ROBO2: variants seen among roughly 807,000 people sequenced by gnomAD.
ROBO2 encodes the protein roundabout guidance receptor 2.
ROBO2 carries 53 observed loss-of-function variants against 160.8 expected under a neutral mutation model. The ratio of observed to expected loss-of-function variants is 0.33; its 90% confidence interval spans 0.26 to 0.41. The LOEUF is 0.41. Among genes scored for constraint, ROBO2 ranks in the 10% least tolerant of loss-of-function variants. ROBO2 has a pLI of 1.00. For missense variants in ROBO2, 1,577 were observed against 1,722.4 expected, an observed-to-expected ratio of 0.92 and a Z score of 1.49; for synonymous variants, 664 against 611.7, an observed-to-expected ratio of 1.09 and a Z score of -1.26.
chr3:77,477,481 G>A, exon 3 of ROBO2: 5 of 1,613,926 alleles, frequency 3.1e-6, no homozygotes, highest in Non-Finnish European at 4.2e-6. Context: ...CTGCAATCCT[G>A]GAGTGCCAGC....
intron 2 of ROBO2, among the ~76,000 whole-genome samples, chr3:76,255,595 G>A (rs140571829): frequency 0.044 from 6,582 of 150,586 alleles, 173 homozygotes; most frequent in South Asian, 0.08. Flanking sequence ...ATTTTACTAT[G>A]CAAAAAAAAA....
At chr3:77,577,422 T>C (rs560378759) in intron 14 of ROBO2, 68 bp from the exon 16 acceptor site, 2 of 1,605,480 alleles carry the variant, frequency 1.2e-6, no homozygotes, top group South Asian at 2.2e-5. Flanking sequence ...TATACTCATA[T>C]TCTGAAAGTA....
At chr3:77,224,525 C>T (rs1440716863) in intron 2 of ROBO2, among the ~76,000 whole-genome samples, 1 of 151,898 alleles carries the variant, frequency 6.6e-6, no homozygotes, top group African/African-American at 2.4e-5. Context: ...TCTTGTAATG[C>T]TGCAGTGCTA....
Position 76,257,296 on chromosome 3 carries a change from ATG to A in ROBO2, c.109+319709_109+319710del, listed in dbSNP as rs199824539. On this transcript the variant is annotated intron_variant, in intron 2 of 26. Coordinates refer to the ROBO2 transcript ENST00000487694. Reference sequence around the variant, plus strand: ...CTTCTATGTGTGCACACACGTGCATATGTGTGTGTGTGTGTGAACACCTCATA... The same window carrying A: ...CTTCTATGTGTGCACACACGTGCATATGTGTGTGTGTGTGAACACCTCATA... Among the ~76,000 whole-genome samples the A allele has an allele frequency of 1.6e-3, 248 of 151,330 alleles. 1 individual carries two copies. The highest frequency in any genetic ancestry group is 5.1e-3 in the African/African-American group (212 of 41,330).
chr3:76,520,623 T>C (rs1242285515), intron 2 of ROBO2, among the ~76,000 whole-genome samples: 1 of 152,180 alleles, frequency 6.6e-6, no homozygotes, highest in Non-Finnish European at 1.5e-5. Context: ...AAATCAATAA[T>C]GTGACCAATC....
rs201114367 is a variant in ROBO2, at chr3:76,908,979, G to A, written c.110-189035G>A. On this transcript the variant is annotated intron_variant, in intron 2 of 26. Coordinates refer to the ROBO2 transcript ENST00000487694. ...GCAGTGGTTCATGCCTGTAATTCCC[G>A]CACTTTGGGAGGCTGAGCAGGGAGA... Among the ~76,000 whole-genome samples, 20 of 152,200 alleles carry A rather than the reference G, an allele frequency of 1.3e-4. No homozygotes were observed. The East Asian group carries it at 3.7e-3, about 28-fold the overall frequency.
At chr3:77,382,707 A>G (rs1257200396) in intron 2 of ROBO2, among the ~76,000 whole-genome samples, 1 of 152,240 alleles carries the variant, frequency 6.6e-6, no homozygotes, top group Non-Finnish European at 1.5e-5. Flanking sequence ...CACTTCAAAG[A>G]ATGGCTTCCG....
chr3:76,592,165 C>T (rs1417480807), intron 2 of ROBO2, among the ~76,000 whole-genome samples: 1 of 151,932 alleles, frequency 6.6e-6, no homozygotes. Context: ...CTATTGCTAC[C>T]TCTCCTAGAT....
chr3:76,570,038 G>A (rs2084863176), intron 2 of ROBO2, among the ~76,000 whole-genome samples: 1 of 152,164 alleles, frequency 6.6e-6, no homozygotes, highest in Non-Finnish European at 1.5e-5. Flanking sequence ...AGGAGGCTGA[G>A]GTGGGAGGAT....
chr3:76,341,363 C>A (rs776637978), intron 2 of ROBO2, among the ~76,000 whole-genome samples: 1 of 146,958 alleles, frequency 6.8e-6, no homozygotes, highest in East Asian at 2.0e-4. Flanking sequence ...CAATCCAGCC[C>A]ACAGCTTGTT....
intron 2 of ROBO2, among the ~76,000 whole-genome samples, chr3:75,952,020 C>A (rs539463787): frequency 6.6e-6 from 1 of 151,944 alleles, no homozygotes; most frequent in South Asian, 2.1e-4. Flanking sequence ...ATAAATTGAC[C>A]TTTTGATAAC....
intron 2 of ROBO2, among the ~76,000 whole-genome samples, chr3:77,026,049 G>A (rs2062943965): frequency 6.6e-6 from 1 of 152,190 alleles, no homozygotes; most frequent in Non-Finnish European, 1.5e-5. Flanking sequence ...ATACAGCAAA[G>A]TTTATATGTG....
intron 2 of ROBO2, among the ~76,000 whole-genome samples, chr3:75,948,265 G>A (rs1948395447): frequency 6.6e-6 from 1 of 151,926 alleles, no homozygotes; most frequent in Non-Finnish European, 1.5e-5. Context: ...TATTTTAATT[G>A]AGATTTGAAT....
chr3:77,515,481 A>G (rs1360894073), intron 5 of ROBO2, among the ~76,000 whole-genome samples: 2 of 151,810 alleles, frequency 1.3e-5, no homozygotes, highest in African/African-American at 4.8e-5. Context: ...CAACACGCAC[A>G]CACACAACTA....
intron 2 of ROBO2, among the ~76,000 whole-genome samples, chr3:77,408,718 G>T (rs1207340592): frequency 1.3e-5 from 2 of 151,710 alleles, no homozygotes; most frequent in African/African-American, 2.4e-5. Context: ...TTATTTATTT[G>T]TCTGTTTTAT....
At chr3:76,022,941 T>G (rs1297841295) in intron 2 of ROBO2, among the ~76,000 whole-genome samples, 2 of 151,772 alleles carry the variant, frequency 1.3e-5, no homozygotes, top group African/African-American at 2.4e-5. Context: ...AATCTCTTGT[T>G]TAGCGAAGCC....
chr3:77,305,988 C>A (rs2153417314), intron 2 of ROBO2, among the ~76,000 whole-genome samples: 1 of 152,056 alleles, frequency 6.6e-6, no homozygotes, highest in East Asian at 1.9e-4. Context: ...ACAAAAATAA[C>A]AAATCTAGAG....
At chr3:76,559,206 T>C (rs748281961) in intron 2 of ROBO2, among the ~76,000 whole-genome samples, 8 of 152,108 alleles carry the variant, frequency 5.3e-5, no homozygotes, top group Non-Finnish European at 1.2e-4. Flanking sequence ...TTTTTGTATG[T>C]CAATAAACAA....
chr3:76,292,524 A>G (rs1220721824), intron 2 of ROBO2, among the ~76,000 whole-genome samples: 4 of 152,118 alleles, frequency 2.6e-5, no homozygotes, highest in Admixed American at 6.5e-5. Flanking sequence ...CTATCCTTTT[A>G]CTTCCATGTG....
Sources: gnomAD v4.1 joint callset for allele counts (sites outside exome capture counted in the v4.1 genomes callset) on GRCh38, gnomAD v4.1.1 for gene constraint, MANE v1.5 for transcripts, NCBI Gene and HGNC (gene_info 2026-07-23, HGNC 2026-07-21) for gene names.